Variants in CACNA2D3 observed in about 807,000 individuals in gnomAD.
CACNA2D3 encodes voltage-dependent calcium channel subunit alpha-2/delta-3.
CACNA2D3 carries 60 observed loss-of-function variants against 160.6 expected under a neutral mutation model. The observed-to-expected ratio is 0.37, with a 90% CI of 0.30 to 0.46. The LOEUF (loss-of-function observed/expected upper bound fraction) is 0.46, where lower values mean the gene tolerates loss of function less well. CACNA2D3 is among the 20% of genes least tolerant of loss of function. The pLI is 1.00. For synonymous variants in CACNA2D3, 558 were observed against 492.9 expected, an observed-to-expected ratio of 1.13 and a Z score of -1.75; for missense variants, 1,205 against 1,365.0, an observed-to-expected ratio of 0.88 and a Z score of 1.85.
At chr3:54,913,233 C>T (rs748047886) in intron 27 of CACNA2D3, among the ~76,000 whole-genome samples, 3 of 152,108 alleles carry the variant, frequency 2.0e-5, no homozygotes, top group Admixed American at 6.5e-5. Context: ...TAGGCATGTG[C>T]CACCACATCT....
chr3:54,209,237 C>G (rs373333402), intron 2 of CACNA2D3, among the ~76,000 whole-genome samples: 18 of 152,254 alleles, frequency 1.2e-4, no homozygotes, highest in Admixed American at 1.2e-3. Flanking sequence ...AGATAGGCAT[C>G]GAAATAATTG....
intron 4 of CACNA2D3, among the ~76,000 whole-genome samples, chr3:54,400,461 C>G (rs1485849168): frequency 5.3e-5 from 8 of 152,108 alleles, no homozygotes; most frequent in Admixed American, 6.5e-5. Flanking sequence ...AGGGCTGTGT[C>G]AGACCTGACA....
At chr3:54,809,326 T>TCATTCTTTCTTCCCCTCCC (rs1559590283) in intron 13 of CACNA2D3, among the ~76,000 whole-genome samples, 1 of 120,144 alleles carries the variant, frequency 8.3e-6, no homozygotes, top group African/African-American at 3.6e-5. Context: ...TTTTTTTTTT[T>TCATTCTTTCTTCCCCTCCC]TTTGAGACGG....
intron 11 of CACNA2D3, among the ~76,000 whole-genome samples, chr3:54,736,075 A>G (rs1315137524): frequency 3.1e-4 from 7 of 22,828 alleles, no homozygotes; most frequent in African/African-American, 9.7e-4. Flanking sequence ...ATATATATAC[A>G]TATATATGTA....
chr3:54,571,221 A>T (rs1320569337), intron 8 of CACNA2D3, among the ~76,000 whole-genome samples: 1 of 152,144 alleles, frequency 6.6e-6, no homozygotes, highest in Non-Finnish European at 1.5e-5. Flanking sequence ...TGGAGGCCCG[A>T]GTTCTTATTT....
intron 2 of CACNA2D3, among the ~76,000 whole-genome samples, chr3:54,247,612 TAGAC>T (rs1181088416): frequency 2.0e-5 from 3 of 151,732 alleles, no homozygotes; most frequent in African/African-American, 4.8e-5. Flanking sequence ...ATATAAAAAA[TAGAC>T]AAAGAATTCA....
At chr3:55,026,859 G>A (rs358051) in intron 35 of CACNA2D3, among the ~76,000 whole-genome samples, 13,440 of 152,244 alleles carry the variant, frequency 0.088, 1,989 homozygotes, top group African/African-American at 0.31. Flanking sequence ...AAGGAAAAGA[G>A]TAAAAATGAT....
intron 11 of CACNA2D3, among the ~76,000 whole-genome samples, chr3:54,667,362 C>T (rs1313682313): frequency 6.6e-6 from 1 of 152,136 alleles, no homozygotes; most frequent in African/African-American, 2.4e-5. Flanking sequence ...ATGTTGGATC[C>T]ATAATCTGTA....
chr3:54,171,977 G>A (rs1204830682), intron 2 of CACNA2D3, among the ~76,000 whole-genome samples: 2 of 152,046 alleles, frequency 1.3e-5, no homozygotes, highest in African/African-American at 2.4e-5. Flanking sequence ...CTTTTCTCCC[G>A]ACTCTGGCCA....
intron 17 of CACNA2D3, among the ~76,000 whole-genome samples, chr3:54,846,773 C>T (rs879593211): frequency 6.6e-6 from 1 of 152,152 alleles, no homozygotes; most frequent in Admixed American, 6.5e-5. Flanking sequence ...AGCATGAAAC[C>T]TATCATAACG....
At chr3:54,705,984 C>A (rs550210) in intron 11 of CACNA2D3, among the ~76,000 whole-genome samples, 53,484 of 151,960 alleles carry the variant, frequency 0.35, 10,406 homozygotes, top group East Asian at 0.49. Flanking sequence ...TGATCTGTTC[C>A]GGCTTCTGTG....
intron 11 of CACNA2D3, among the ~76,000 whole-genome samples, chr3:54,662,455 A>C (rs751171816): frequency 2.4e-4 from 36 of 152,320 alleles, no homozygotes; most frequent in Admixed American, 4.6e-4. Flanking sequence ...AGGTTTAGGC[A>C]CCAAGTGCCT....
At chr3:54,338,251 G>A (rs1704434818) in intron 3 of CACNA2D3, among the ~76,000 whole-genome samples, 1 of 152,198 alleles carries the variant, frequency 6.6e-6, no homozygotes, top group Non-Finnish European at 1.5e-5. Flanking sequence ...GGTGATGGGT[G>A]CACAGGAATA....
intron 2 of CACNA2D3, among the ~76,000 whole-genome samples, chr3:54,136,689 C>T (rs1699821264): frequency 6.6e-6 from 1 of 152,234 alleles, no homozygotes; most frequent in Admixed American, 6.5e-5. Flanking sequence ...GTTTATACTG[C>T]CGACCCTGCT....
intron 2 of CACNA2D3, among the ~76,000 whole-genome samples, chr3:54,249,450 T>C (rs1702139589): frequency 6.6e-6 from 1 of 152,052 alleles, no homozygotes; most frequent in Admixed American, 6.6e-5. Context: ...TTGAACTTTG[T>C]CTGCACCAGT....
At chr3:54,793,992 T>C (rs1470019843) in intron 13 of CACNA2D3, among the ~76,000 whole-genome samples, 1 of 152,200 alleles carries the variant, frequency 6.6e-6, no homozygotes, top group Non-Finnish European at 1.5e-5. Flanking sequence ...ATCTAAGTTA[T>C]TGATTTATTG....
At chr3:54,701,961 A>G (rs533313418) in intron 11 of CACNA2D3, among the ~76,000 whole-genome samples, 6 of 152,258 alleles carry the variant, frequency 3.9e-5, no homozygotes, top group Middle Eastern at 3.4e-3. Flanking sequence ...CCACACACCT[A>G]CAACCATCTG....
chr3:54,299,304 G>T (rs1321870473), intron 2 of CACNA2D3, among the ~76,000 whole-genome samples: 1 of 152,016 alleles, frequency 6.6e-6, no homozygotes, highest in African/African-American at 2.4e-5. Context: ...CCTGGTCCAG[G>T]ACTGTGTACC....
intron 31 of CACNA2D3, among the ~76,000 whole-genome samples, chr3:54,997,142 G>A (rs926191159): frequency 6.6e-6 from 1 of 152,080 alleles, no homozygotes; most frequent in African/African-American, 2.4e-5. Context: ...TGCACATTCT[G>A]CACATGTATC....
Sources: allele counts gnomAD v4.1 joint callset (sites outside exome capture counted in the v4.1 genomes callset), GRCh38; gene constraint gnomAD v4.1.1; transcripts MANE v1.5; gene names NCBI Gene and HGNC (gene_info 2026-07-23, HGNC 2026-07-21).